The following ALAD variants were observed in gnomAD, a reference collection of about 807,000 sequenced individuals.
The protein encoded by ALAD is aminolevulinate dehydratase.
ALAD carries 20 observed loss-of-function variants against 44.4 expected under a neutral mutation model. The observed-to-expected ratio is 0.45, with a 90% CI of 0.32 to 0.65. ALAD has a LOEUF of 0.65. Ranked by LOEUF, ALAD falls within the 30% of genes least tolerant of loss-of-function variation. The pLI is 0.05. For synonymous variants in ALAD, 156 were observed against 167.9 expected, an observed-to-expected ratio of 0.93 and a Z score of 0.55; for missense variants, 323 against 445.7, an observed-to-expected ratio of 0.72 and a Z score of 2.48.
chr9:113,396,407 G>GAAAATGAC (rs1827729555), intron 1 of ALAD: 1 of 133,328 alleles, frequency 7.5e-6, no homozygotes, highest in East Asian at 2.0e-4. Context: ...AAAAAAAAAA[G>GAAAATGAC]AAAATGACAG....
At chr9:113,391,329 C>A (rs199501308) in intron 4 of ALAD, among the ~76,000 whole-genome samples, 198 bp downstream of exon 4, 1 of 152,132 alleles carries the variant, frequency 6.6e-6, no homozygotes, top group Admixed American at 6.5e-5. Flanking sequence ...CTCCACCTCC[C>A]GAGTAGCTGG....
At chr9:113,390,732 C>A in intron 5 of ALAD, 56 bp from the exon 6 acceptor site, 4 of 1,601,852 alleles carry the variant, frequency 2.5e-6, no homozygotes, top group South Asian at 1.1e-5. Context: ...CCTGTCCCCA[C>A]CCTGTTGAGA....
At chr9:113,397,529 A>C (rs2119010394) in intron 1 of ALAD, 1 of 152,052 alleles carries the variant, frequency 6.6e-6, no homozygotes, top group Middle Eastern at 3.4e-3. Flanking sequence ...TCAACCTCCA[A>C]ACAGACAATT....
At chr9:113,401,051 C>G (rs1030608655) in intron 1 of ALAD, among the ~76,000 whole-genome samples, 161 bp downstream of exon 1, 4 of 152,128 alleles carry the variant, frequency 2.6e-5, no homozygotes, top group African/African-American at 9.7e-5. Context: ...GATAATCCAG[C>G]CCAAACAAAC....
At chr9:113,393,374 C>G (rs373870449) in intron 2 of ALAD, 73 bp downstream of exon 2, 2 of 1,392,996 alleles carry the variant, frequency 1.4e-6, no homozygotes, top group East Asian at 2.3e-5. Context: ...GATGCCCGCT[C>G]CAGTCAACAC....
intron 10 of ALAD, 83 bp from the exon 11 acceptor site, chr9:113,389,189 G>C (rs940610875): frequency 1.4e-5 from 22 of 1,578,554 alleles, no homozygotes; most frequent in African/African-American, 2.7e-5. Flanking sequence ...TGCTCAATCT[G>C]TGACCATCTT....
chr9:113,391,751 A>G (rs1168144285), intron 3 of ALAD, 128 bp from the exon 4 acceptor site: 2 of 765,276 alleles, frequency 2.6e-6, no homozygotes, highest in East Asian at 5.3e-5. Flanking sequence ...TCAAGCCCCC[A>G]GGACAGAAGG....
rs1170293809 is a variant in ALAD at position 113,386,353 on chromosome 9, C to T, written c.*1947G>A. On this transcript the variant is annotated 3_prime_UTR_variant, in exon 12 of 12. Transcript: ENST00000409155. The stretch of plus-strand genomic sequence containing the variant: ...AATTTTTATTCAAAATTCTTTACAA[C>T]TTTATTACAATATAGATTTTGTGTT... 2 of 152,150 alleles carry T rather than the reference C, an allele frequency of 1.3e-5. No homozygotes were observed. The highest frequency in any genetic ancestry group is 2.9e-5 in the Non-Finnish European group (2 of 68,044). 9.4% of individuals were successfully genotyped at this position (152,150 alleles called of 1,614,324 possible).
chr9:113,392,205 G>A, intron 2 of ALAD, 36 bp from the exon 3 acceptor site: 3 of 1,613,838 alleles, frequency 1.9e-6, no homozygotes, highest in Non-Finnish European at 2.5e-6. Flanking sequence ...ATTGGTAGCT[G>A]TGGGAAGGGC....
At chr9:113,391,005 C>T in intron 4 of ALAD, 72 bp from the exon 5 acceptor site, 2 of 1,590,038 alleles carry the variant, frequency 1.3e-6, no homozygotes, top group African/African-American at 1.3e-5. Context: ...ACAGCCATCA[C>T]AGAGCATAGC....
intron 11 of ALAD, 63 bp from the exon 12 acceptor site, chr9:113,388,424 T>C (rs1827468521): frequency 7.2e-6 from 11 of 1,518,280 alleles, no homozygotes; most frequent in South Asian, 1.1e-5. Context: ...GCACACCTTC[T>C]GCGATGGGAA....
At position 113,388,339 on chromosome 9, in the gene ALAD, G is replaced by A; in HGVS notation, c.954C>T (p.Tyr318=). 1.9e-6 allele frequency: 3 copies of A among 1,614,132 alleles called. No homozygotes were observed. Among genetic ancestry groups the A allele is most frequent in the Non-Finnish European group, 2.5e-6 (3 of 1,180,046 alleles). Residue 318 remains tyrosine, a synonymous_variant, in exon 12 of 12, where the codon TAC becomes TAT. Coordinates refer to ENST00000409155, the MANE Select transcript of ALAD (RefSeq NM_000031.6). The stretch of plus-strand genomic sequence containing the variant: ...GCCACTGCAGCAGCTGCGGTGTGTA[G>A]TAGGTGATGATGATGTCAGCACCTG... ...RRAGADIIIT[Y]YTPQLLQWLK... is the part of the protein sequence containing the mutation.
chr9:113,398,361 CTGT>C (rs982227838), intron 1 of ALAD, among the ~76,000 whole-genome samples: 76 of 152,328 alleles, frequency 5.0e-4, no homozygotes, highest in African/African-American at 1.8e-3. Flanking sequence ...CAAACAATCT[CTGT>C]TGTTTTCTGG....
At position 113,390,689 on chromosome 9, in the gene ALAD, T is replaced by C. The variant is rs34009418; in HGVS notation, c.398-13A>G. ...TCACTCAGGAGCCCTTCAGGACAGA[T>C]GACTGGGTTTTGGGGAGCACCTTGG... is the stretch of plus-strand genomic sequence containing the variant. On this transcript the variant is annotated splice_polypyrimidine_tract_variant and intron_variant, in intron 5 of 11. Coordinates refer to ENST00000409155, the MANE Select transcript of ALAD (RefSeq NM_000031.6). 1.9e-3 allele frequency: 3,030 copies of C among 1,612,620 alleles called. 39 individuals are homozygous for C. In the African/African-American group the frequency reaches 0.035, roughly 19 times the overall value.
In ALAD at chr9:113,387,981, CA is replaced by C; in HGVS notation, c.*318del. The C allele has an allele frequency of 2.4e-6, 1 of 417,320 alleles. No individual in the cohort carries two copies. Among genetic ancestry groups the C allele is most frequent in the Non-Finnish European group, 4.5e-6 (1 of 221,464 alleles). The allele number at this position is 417,320 out of a possible 1,614,324, so 25.9% of individuals were successfully genotyped here. ...CCAAGACCCTCTCCCAGCCAGGCCC[CA>C]AAGGCTGTGCCCCCGACTCCAGGTT... On this transcript the variant is annotated 3_prime_UTR_variant, in exon 12 of 12. Coordinates refer to ENST00000409155, the MANE Select transcript of ALAD (RefSeq NM_000031.6).
intron 1 of ALAD, among the ~76,000 whole-genome samples, chr9:113,398,812 A>G (rs373348364): frequency 3.3e-5 from 5 of 152,278 alleles, no homozygotes; most frequent in African/African-American, 1.2e-4. Flanking sequence ...GAGGTACTTA[A>G]TAAGTGGAGT....
In ALAD at chr9:113,388,102, A is replaced by G. The variant is rs1309600707; in HGVS notation, c.*198T>C. ...GGGGAGGGGCGGGGAAGCTTGGGAGAGCTCATAGGATGCAGCTGCGAGTTA... is the reference window on the plus strand; with the variant it reads ...GGGGAGGGGCGGGGAAGCTTGGGAGGGCTCATAGGATGCAGCTGCGAGTTA... On this transcript the variant is annotated 3_prime_UTR_variant, in exon 12 of 12. Coordinates refer to ENST00000409155, the MANE Select transcript of ALAD (RefSeq NM_000031.6). The G allele has an allele frequency of 1.4e-5, 9 of 634,468 alleles. No homozygotes were observed. The East Asian group carries it at 2.5e-4, about 18-fold the overall frequency. The allele number at this position is 634,468 out of a possible 1,614,324, so 39.3% of individuals were successfully genotyped here.
chr9:113,390,533 C>A lies in ALAD; in HGVS notation c.482-40G>T, dbSNP rs770394897. ...GTGGCCTTCAGAACTCTGGGGCCCT[C>A]CTAGCCACTCTGCCACCTCCTGACC... On this transcript the variant is annotated intron_variant, in intron 6 of 11. Coordinates refer to ENST00000409155, the MANE Select transcript of ALAD (RefSeq NM_000031.6). 33 of 1,613,524 alleles carry A rather than the reference C, an allele frequency of 2.0e-5. No individual in the cohort carries two copies. The Middle Eastern group carries it at 6.6e-4, about 32-fold the overall frequency.
At chr9:113,393,393 C>A in intron 2 of ALAD, 54 bp downstream of exon 2, 1 of 1,502,852 alleles carries the variant, frequency 6.7e-7, no homozygotes, top group Non-Finnish European at 9.3e-7. Context: ...ACTCCCTCCC[C>A]AACCCCAACC....
Sources: allele counts gnomAD v4.1 joint callset (sites outside exome capture counted in the v4.1 genomes callset), GRCh38; gene constraint gnomAD v4.1.1; transcripts MANE v1.5; gene names NCBI Gene and HGNC (gene_info 2026-07-23, HGNC 2026-07-21).